The following ANXA8 variants were observed in gnomAD, a reference collection of about 807,000 sequenced individuals.
ANXA8 encodes the protein annexin A8, also known as VAC-beta.
A neutral mutation model predicts 26.8 loss-of-function variants in ANXA8; 9 were observed. The observed-to-expected ratio is 0.34, with a 90% confidence interval of 0.20 to 0.59. ANXA8 has a LOEUF of 0.59. Ranked by LOEUF, ANXA8 falls within the 20% of genes least tolerant of loss-of-function variation. The probability of loss-of-function intolerance (pLI) is 0.84; values close to 1 mark genes in which losing one functional copy is unlikely to be tolerated. For synonymous variants in ANXA8, 39 were observed against 94.8 expected, an observed-to-expected ratio of 0.41 and a Z score of 3.42; for missense variants, 83 against 238.5, an observed-to-expected ratio of 0.35 and a Z score of 4.29.
chr10:47,679,042 C>CAAAAAAAAAAAA, the ANXA8 span, among the ~76,000 whole-genome samples: 1 of 65,120 alleles, frequency 1.5e-5, no homozygotes, highest in Non-Finnish European at 2.8e-5. Flanking sequence ...GAACCTATCT[C>CAAAAAAAAAAAA]AAAAAAAAAA....
In ANXA8 at chr10:47,476,272, G is replaced by T; in HGVS notation, c.372C>A (p.Thr124=). Residue 124 remains threonine (T), a synonymous_variant, in exon 5 of 12, where the codon ACC becomes ACA. Transcript: ENST00000585281. ...GVIIEILASR[T]KNQLREIMKA... The stretch of plus-strand genomic sequence containing the variant: ...TCATTATCTCCCGCAGCTGGTTCTT[G>T]GTCCGAGAGGCCAGGATCTCAATGA... 2 of 555,916 alleles carry T rather than the reference G, an allele frequency of 3.6e-6. No homozygotes were observed. The highest frequency in any genetic ancestry group is 5.3e-6 in the Non-Finnish European group (2 of 376,044). 34.4% of individuals were successfully genotyped at this position (555,916 alleles called of 1,614,324 possible).
the ANXA8 span, among the ~76,000 whole-genome samples, chr10:47,551,190 A>C: frequency 6.6e-6 from 1 of 151,948 alleles, no homozygotes; most frequent in Non-Finnish European, 1.5e-5. Context: ...CATAACAGAT[A>C]AGAGCAGAGG....
chr10:47,986,272 T>C, the ANXA8 span: 2 of 166,382 alleles, frequency 1.2e-5, no homozygotes, highest in African/African-American at 2.4e-5. Flanking sequence ...TTCTCATGTG[T>C]GTACTGGCAT....
At chr10:47,658,379 C>CT in the ANXA8 span, among the ~76,000 whole-genome samples, 1 of 145,268 alleles carries the variant, frequency 6.9e-6, no homozygotes, top group Admixed American at 6.6e-5. Context: ...GTGCAAGACT[C>CT]TGTCTCAAAA....
chr10:47,525,438 C>T, the ANXA8 span, among the ~76,000 whole-genome samples: 2 of 141,556 alleles, frequency 1.4e-5, 1 homozygote, highest in Non-Finnish European at 3.0e-5. Flanking sequence ...CCTATAAGAT[C>T]TCATGAGGAC....
At chr10:47,746,631 T>C in the ANXA8 span, among the ~76,000 whole-genome samples, 1 of 120,174 alleles carries the variant, frequency 8.3e-6, no homozygotes, top group Non-Finnish European at 1.7e-5. Flanking sequence ...TGAGCTGAGA[T>C]GGCGCCACTG....
chr10:47,677,005 A>G, the ANXA8 span, among the ~76,000 whole-genome samples: 1 of 126,514 alleles, frequency 7.9e-6, no homozygotes, highest in Non-Finnish European at 1.6e-5. Flanking sequence ...AAAAAAAAAA[A>G]AACAACCTGT....
At chr10:47,739,609 T>TA in the ANXA8 span, among the ~76,000 whole-genome samples, 1 of 74,586 alleles carries the variant, frequency 1.3e-5, no homozygotes, top group Non-Finnish European at 2.8e-5. Flanking sequence ...CTTCTCTGCA[T>TA]ACTGTATATA....
the ANXA8 span, among the ~76,000 whole-genome samples, chr10:47,553,916 G>A: frequency 6.7e-6 from 1 of 149,230 alleles, no homozygotes. Flanking sequence ...TGGATTGGGA[G>A]TCCACTTCCT....
chr10:47,697,072 G>C, the ANXA8 span, among the ~76,000 whole-genome samples: 1 of 151,690 alleles, frequency 6.6e-6, no homozygotes, highest in Non-Finnish European at 1.5e-5. Context: ...GAGGAAACTA[G>C]CAGCTATCTC....
At chr10:47,769,182 G>A in the ANXA8 span, among the ~76,000 whole-genome samples, 1 of 145,286 alleles carries the variant, frequency 6.9e-6, no homozygotes, top group Non-Finnish European at 1.5e-5. Context: ...TGGAGTGGGT[G>A]TCAGGGGTGA....
At chr10:47,653,866 G>A in the ANXA8 span, among the ~76,000 whole-genome samples, 7 of 148,878 alleles carry the variant, frequency 4.7e-5, no homozygotes, top group Middle Eastern at 3.4e-3. Flanking sequence ...GGCTGGTCTC[G>A]AACTCCCGAC....
At chr10:47,607,662 T>C in the ANXA8 span, among the ~76,000 whole-genome samples, 1 of 110,518 alleles carries the variant, frequency 9.0e-6, no homozygotes, top group African/African-American at 4.1e-5. Flanking sequence ...AATAATAATT[T>C]GGGGGTGAGA....
At chr10:47,692,678 C>T in the ANXA8 span, 1 of 134,028 alleles carries the variant, frequency 7.5e-6, no homozygotes, top group African/African-American at 2.7e-5. Context: ...CCTCCTGCCT[C>T]AGTCTCCCAA....
At chr10:47,683,914 G>A in the ANXA8 span, among the ~76,000 whole-genome samples, 3 of 151,754 alleles carry the variant, frequency 2.0e-5, no homozygotes, top group Admixed American at 2.0e-4. Context: ...CTCTTTTAAT[G>A]ATACATGTTT....
the ANXA8 span, among the ~76,000 whole-genome samples, chr10:47,710,983 T>C: frequency 6.8e-6 from 1 of 147,192 alleles, no homozygotes; most frequent in Non-Finnish European, 1.5e-5. Context: ...TTAGTGAAGA[T>C]CTTACCTCCT....
the ANXA8 span, among the ~76,000 whole-genome samples, chr10:47,657,112 C>T: frequency 6.6e-6 from 1 of 151,056 alleles, no homozygotes. Flanking sequence ...TCACAATGAC[C>T]TTCCCAGGAA....
the ANXA8 span, among the ~76,000 whole-genome samples, chr10:47,898,674 G>A: frequency 9.8e-6 from 1 of 102,564 alleles, no homozygotes; most frequent in African/African-American, 4.2e-5. Context: ...CCTGTGCCAG[G>A]AAATGACAAT....
At chr10:47,733,143 A>ATCTT in the ANXA8 span, among the ~76,000 whole-genome samples, 3,818 of 97,100 alleles carry the variant, frequency 0.039, 150 homozygotes, top group Non-Finnish European at 0.047. Context: ...CAACTCCCTA[A>ATCTT]TCTTTCTTTC....
Sources: gnomAD v4.1 joint callset for allele counts (sites outside exome capture counted in the v4.1 genomes callset) on GRCh38, gnomAD v4.1.1 for gene constraint, MANE v1.5 for transcripts, NCBI Gene and HGNC (gene_info 2026-07-23, HGNC 2026-07-21) for gene names.